Variants in INPP5B observed in about 807,000 individuals in gnomAD.
INPP5B encodes type II inositol 1,4,5-trisphosphate 5-phosphatase.
A neutral mutation model predicts 118.5 loss-of-function variants in INPP5B; 90 were observed. The ratio of observed to expected loss-of-function variants is 0.76; its 90% CI spans 0.64 to 0.90. The LOEUF (loss-of-function observed/expected upper bound fraction) is 0.90. Ranked by LOEUF, INPP5B falls within the 40% of genes least tolerant of loss-of-function variation. The pLI is 0.00. For missense variants in INPP5B, 984 were observed against 1,125.6 expected (o/e 0.87, Z 1.80); for synonymous variants, 385 against 418.9 (o/e 0.92, Z 0.99).
In INPP5B at chr1:37,943,490, G is replaced by A. The variant is rs1053205150; in HGVS notation, c.280+150C>T. 5.4e-6 allele frequency: 4 copies of A among 736,500 alleles called. No homozygotes were observed. In the Admixed American group the frequency reaches 8.2e-5, roughly 15 times the overall value. 45.6% of individuals were successfully genotyped at this position (736,500 alleles called of 1,614,324 possible). A position where few individuals can be genotyped will look rare whatever the true frequency, so the allele number is the denominator to read the frequency against. ...CAAGGAGGAGAGTGATGGGAGATGA[G>A]CCCACGGAGATGGGCTGTGCCAGAT... On this transcript the variant is annotated intron_variant, in intron 5 of 23. Coordinates refer to ENST00000373024, the MANE Select transcript of INPP5B (RefSeq NM_005540.3).
chr1:37,905,929 A>G (rs1644488349), intron 7 of INPP5B, among the ~76,000 whole-genome samples: 3 of 152,210 alleles, frequency 2.0e-5, no homozygotes, highest in South Asian at 4.1e-4. Flanking sequence ...AAAATTGAGT[A>G]AAGTATACTC....
rs184238620 is a variant in INPP5B, at chr1:37,911,920, G to A, written c.532+19993C>T. Among the ~76,000 whole-genome samples the A allele has an allele frequency of 4.2e-4, 64 of 152,278 alleles. 1 individual carries two copies. Among genetic ancestry groups the A allele is most frequent in the Admixed American group, 9.2e-4 (14 of 15,292 alleles). The stretch of plus-strand genomic sequence containing the variant: ...TAGCTTTCCAACTTCTGTCCCTCAC[G>A]GCCAGGACTGGACAGTACTTTGCCC... On this transcript the variant is annotated intron_variant, in intron 7 of 23. Transcript: ENST00000373024.
chr1:37,927,445 T>A (rs1008704516), intron 7 of INPP5B, among the ~76,000 whole-genome samples: 1 of 152,160 alleles, frequency 6.6e-6, no homozygotes, highest in African/African-American at 2.4e-5. Flanking sequence ...ATTACCTGAC[T>A]TCAACACCAC....
chr1:37,891,227 C>A (rs1325336293), intron 8 of INPP5B, 131 bp downstream of exon 8: 55 of 430,674 alleles, frequency 1.3e-4, no homozygotes, highest in African/African-American at 3.4e-4. Context: ...AACTCTGTCT[C>A]AAAAAAAAAA....
At chr1:37,923,121 A>G (rs1164028315) in intron 7 of INPP5B, among the ~76,000 whole-genome samples, 1 of 152,228 alleles carries the variant, frequency 6.6e-6, no homozygotes, top group Admixed American at 6.5e-5. Context: ...TGGGCTAGAA[A>G]TTGTATGGGT....
At chr1:37,874,820 G>A (rs775746452) in intron 17 of INPP5B, among the ~76,000 whole-genome samples, 30 of 152,156 alleles carry the variant, frequency 2.0e-4, no homozygotes, top group Non-Finnish European at 2.6e-4. Context: ...AACAAAAAAC[G>A]CCTTCACCTT....
rs533414911 is a variant in INPP5B, at chr1:37,912,367, C to A, written c.532+19546G>T. Among the ~76,000 whole-genome samples, 52 of 152,322 alleles carry A rather than the reference C, an allele frequency of 3.4e-4. 2 individuals carry two copies. The highest frequency in any genetic ancestry group is 6.8e-3 in the Middle Eastern group (2 of 294). ...TCCTCCTGGAAGTCACAAGTGTTCA[C>A]CCCTACTTTCCTTAAACTTATTTGC... On this transcript the variant is annotated intron_variant, in intron 7 of 23. Coordinates refer to ENST00000373024, the MANE Select transcript of INPP5B (RefSeq NM_005540.3).
At chr1:37,926,342 T>C (rs1487428598) in intron 7 of INPP5B, among the ~76,000 whole-genome samples, 1 of 151,922 alleles carries the variant, frequency 6.6e-6, no homozygotes, top group Non-Finnish European at 1.5e-5. Context: ...CAGGCTGGCA[T>C]GCAGTGGCGT....
At chr1:37,936,943 C>T (rs1288258903) in intron 6 of INPP5B, among the ~76,000 whole-genome samples, 1 of 152,086 alleles carries the variant, frequency 6.6e-6, no homozygotes, top group Non-Finnish European at 1.5e-5. Context: ...CGCTCTTATC[C>T]TCTCTGAGCC....
chr1:37,893,665 T>A (rs1643913932), intron 7 of INPP5B, among the ~76,000 whole-genome samples: 1 of 152,060 alleles, frequency 6.6e-6, no homozygotes, highest in African/African-American at 2.4e-5. Context: ...AAAAAGTAAA[T>A]CGGATCACAT....
intron 3 of INPP5B, 145 bp from the exon 4 acceptor site, chr1:37,944,038 C>G (rs570203572): frequency 1.3e-4 from 87 of 655,556 alleles, no homozygotes; most frequent in African/African-American, 1.3e-3. Context: ...CTCATGCCAT[C>G]TCTGTCTGTG....
chr1:37,873,948 C>T (rs1642630654), intron 18 of INPP5B, 45 bp downstream of exon 18: 1 of 1,424,344 alleles, frequency 7.0e-7, no homozygotes, highest in Non-Finnish European at 9.4e-7. Context: ...TAGAGTAAGG[C>T]ATTCCCCAAA....
At chr1:37,928,247 C>A (rs551832589) in intron 7 of INPP5B, among the ~76,000 whole-genome samples, 1 of 152,188 alleles carries the variant, frequency 6.6e-6, no homozygotes, top group East Asian at 1.9e-4. Context: ...GATCTCAGCT[C>A]ACTGCAATCG....
In INPP5B at chr1:37,943,887, G is replaced by A; in HGVS notation, c.159C>T (p.Phe53=). Residue 53 remains phenylalanine (F), a synonymous_variant, in exon 4 of 24, where the codon TTC becomes TTT. Transcript: ENST00000373024. ...TGGCCATCCTCCGGTGCGTATAGAG[G>A]AAGAGACTAAGGGCAGGAAGCAGAG... ...LEHGGQEHAL[F]LYTHRRMAIT... 1 of 1,613,196 alleles carries A rather than the reference G, an allele frequency of 6.2e-7. No individual in the cohort carries two copies. The highest frequency in any genetic ancestry group is 8.5e-7 in the Non-Finnish European group (1 of 1,179,220).
Position 37,875,642 on chromosome 1 carries a change from A to C in INPP5B, c.1752T>G (p.Asn584Lys), listed in dbSNP as rs1642749320. Reference protein sequence around the residue: ...EIVRSLDKMENANIPSVSLSK... With the variant: ...EIVRSLDKMEKANIPSVSLSK... ...ACAGGGACACAGAAGGAATGTTGGC[A>C]TTTTCCATCTTATCCAGGGAGCGAA... Residue 584 changes from asparagine (N) to lysine (K), a missense_variant, in exon 17 of 24, where the codon AAT (asparagine) becomes AAG (lysine). Asn to Lys is a moderately conservative substitution (Grantham distance 94). Transcript: ENST00000373024. The C allele has an allele frequency of 6.2e-7, 1 of 1,614,088 alleles. No homozygotes were observed. Among genetic ancestry groups the C allele is most frequent in the Non-Finnish European group, 8.5e-7 (1 of 1,179,988 alleles).
intron 5 of INPP5B, chr1:37,942,039 T>C (rs1209161975): frequency 1.4e-5 from 2 of 144,236 alleles, no homozygotes; most frequent in African/African-American, 2.6e-5. Flanking sequence ...GAATCTTGGT[T>C]CCACCCCTTA....
intron 23 of INPP5B, among the ~76,000 whole-genome samples, chr1:37,862,937 T>G (rs1386174166): frequency 6.6e-6 from 1 of 152,132 alleles, no homozygotes; most frequent in Admixed American, 6.5e-5. Context: ...CAGAGGTGGC[T>G]GAGGTTGGGG....
In INPP5B at chr1:37,898,598, G is replaced by C. The variant is rs555400856; in HGVS notation, c.533-7144C>G. ...TAGTCCCAGCTACTCGGGAGGCTGA[G>C]GCAGGAGAATGGTGTGAACCCAGGA... is the stretch of plus-strand genomic sequence containing the variant. On this transcript the variant is annotated intron_variant, in intron 7 of 23. Transcript: ENST00000373024. 1.4e-3 allele frequency among the ~76,000 whole-genome samples: 210 copies of C among 152,128 alleles called. 1 individual carries two copies. Among genetic ancestry groups the C allele is most frequent in the African/African-American group, 4.7e-3 (196 of 41,482 alleles).
In INPP5B at chr1:37,872,858, C is replaced by T. The variant is rs553171795; in HGVS notation, c.2187+72G>A. On this transcript the variant is annotated intron_variant, in intron 19 of 23. Coordinates refer to ENST00000373024, the MANE Select transcript of INPP5B (RefSeq NM_005540.3). ...GTTTCTAAGTCCCTAGGAAGGTAGGCATAGGAATATCTTGTTTGACTGGCT... is the reference window on the plus strand; with the variant it reads ...GTTTCTAAGTCCCTAGGAAGGTAGGTATAGGAATATCTTGTTTGACTGGCT... 131 of 1,123,366 alleles carry T rather than the reference C, an allele frequency of 1.2e-4. 1 individual carries two copies. The South Asian group carries it at 1.6e-3, about 14-fold the overall frequency. The allele number at this position is 1,123,366 out of a possible 1,614,324, so 69.6% of individuals were successfully genotyped here.
Sources: gnomAD v4.1 joint callset for allele counts (sites outside exome capture counted in the v4.1 genomes callset) on GRCh38, gnomAD v4.1.1 for gene constraint, MANE v1.5 for transcripts, NCBI Gene and HGNC (gene_info 2026-07-23, HGNC 2026-07-21) for gene names.